SELENOI: variants seen among roughly 807,000 people sequenced by gnomAD.
The protein encoded by SELENOI is selenoprotein I.
Under a neutral mutation model 50.7 loss-of-function variants are expected in SELENOI, and 24 were observed. The observed-to-expected ratio is 0.47, with a 90% CI of 0.34 to 0.67. The LOEUF (loss-of-function observed/expected upper bound fraction) is 0.67, where lower values mean the gene tolerates loss of function less well. SELENOI is among the 30% of genes least tolerant of loss of function. The pLI, the probability that SELENOI is intolerant of heterozygous loss-of-function variation, is 0.01. For missense variants in SELENOI, 352 were observed against 461.4 expected (o/e 0.76, Z 2.17); for synonymous variants, 155 against 170.2 (o/e 0.91, Z 0.70).
intron 4 of SELENOI, 46 bp downstream of exon 4, chr2:26,367,266 A>G: frequency 7.0e-7 from 1 of 1,419,216 alleles, no homozygotes; most frequent in Middle Eastern, 1.8e-4. Context: ...CTGGTGAATC[A>G]GCAAGGATAG....
chr2:26,383,339 CT>C lies in SELENOI; in HGVS notation c.728del (p.Phe243SerfsTer9). 1 of 1,535,972 alleles carries C rather than the reference CT, an allele frequency of 6.5e-7. No homozygotes were observed. The highest frequency in any genetic ancestry group is 8.8e-7 in the Non-Finnish European group (1 of 1,132,018). ...CVTLPMSLLN[F>X]FRSYKNNTLK... ...TGACTCTTCCAATGAGTTTATTAAA[CT>C]TTTTCAGGTAAGTATTTTATTTTTT... On this transcript the variant is annotated frameshift_variant, in exon 7 of 10. Coordinates refer to ENST00000260585, the MANE Select transcript of SELENOI (RefSeq NM_033505.4). LOFTEE classifies it high-confidence loss of function.
At chr2:26,388,905 C>A in intron 9 of SELENOI, 100 bp from the exon 10 acceptor site, 1 of 867,480 alleles carries the variant, frequency 1.2e-6, no homozygotes, top group Non-Finnish European at 1.8e-6. Context: ...TGATTTTTGC[C>A]GTGTCAATAA....
chr2:26,365,209 C>G (rs181031202), intron 3 of SELENOI, among the ~76,000 whole-genome samples: 1 of 152,320 alleles, frequency 6.6e-6, no homozygotes, highest in African/African-American at 2.4e-5. Context: ...TACCTGTCAG[C>G]TCTAGGAATA....
rs1329287345 is a variant in SELENOI at position 26,389,219 on chromosome 2, G to A, written c.*116G>A. The A allele has an allele frequency of 1.3e-6, 1 of 773,956 alleles. No individual in the cohort carries two copies. The highest frequency in any genetic ancestry group is 2.7e-5 in the East Asian group (1 of 36,888). 47.9% of individuals were successfully genotyped at this position (773,956 alleles called of 1,614,324 possible). ...GACGTGGGATCTCAGTATGGTACTT[G>A]GACAGCAGGAATGATACATATAATC... On this transcript the variant is annotated 3_prime_UTR_variant, in exon 10 of 10. Coordinates refer to ENST00000260585, the MANE Select transcript of SELENOI (RefSeq NM_033505.4).
Position 26,394,245 on chromosome 2 carries a change from T to C in SELENOI, c.*5142T>C, listed in dbSNP as rs1312844843. 6.6e-6 allele frequency: 1 copy of C among 152,018 alleles called. No individual in the cohort carries two copies. Among genetic ancestry groups the C allele is most frequent in the Non-Finnish European group, 1.5e-5 (1 of 68,000 alleles). The allele number at this position is 152,018 out of a possible 1,614,324, so 9.4% of individuals were successfully genotyped here. A position where few individuals can be genotyped will look rare whatever the true frequency, so the allele number is the denominator to read the frequency against. On this transcript the variant is annotated 3_prime_UTR_variant, in exon 10 of 10. Transcript: ENST00000260585. This position sits in a 1 kb window ranked among gnomAD's most constrained non-coding sequence, Gnocchi z 4.1. ...GTCTGTAATAAAAATACAAAAAAATTAGCTGGGCATGGTGGCATGTGCCTG... is the reference window on the plus strand; with the variant it reads ...GTCTGTAATAAAAATACAAAAAAATCAGCTGGGCATGGTGGCATGTGCCTG...
At chr2:26,379,635 T>C (rs1677642407) in intron 6 of SELENOI, among the ~76,000 whole-genome samples, 1 of 152,146 alleles carries the variant, frequency 6.6e-6, no homozygotes, top group Admixed American at 6.5e-5. Flanking sequence ...CCTGCTACCT[T>C]AAACTATTAA....
At chr2:26,375,326 T>C (rs766609923) in intron 6 of SELENOI, among the ~76,000 whole-genome samples, 178 bp downstream of exon 6, 17 of 152,160 alleles carry the variant, frequency 1.1e-4, no homozygotes, top group Non-Finnish European at 2.5e-4. Context: ...TTCCCTGTTT[T>C]TGGGGTTTTT....
At chr2:26,367,339 C>T (rs537499038) in intron 4 of SELENOI, 119 bp downstream of exon 4, 20 of 714,110 alleles carry the variant, frequency 2.8e-5, no homozygotes, top group Admixed American at 3.8e-5. Flanking sequence ...TTATTAGTAT[C>T]CTGTTCAAAT....
intron 5 of SELENOI, among the ~76,000 whole-genome samples, chr2:26,374,646 G>T (rs538902243): frequency 1.4e-5 from 2 of 146,732 alleles, no homozygotes; most frequent in African/African-American, 5.0e-5. Flanking sequence ...TCGGCTCACC[G>T]CAACCTCTGC....
chr2:26,393,966 TC>T lies in SELENOI; in HGVS notation c.*4864del, dbSNP rs1162237667. 4 of 152,220 alleles carry T rather than the reference TC, an allele frequency of 2.6e-5. No individual in the cohort carries two copies. Among genetic ancestry groups the T allele is most frequent in the Non-Finnish European group, 5.9e-5 (4 of 68,036 alleles). 9.4% of individuals were successfully genotyped at this position (152,220 alleles called of 1,614,324 possible). ...AAAATATATACAATTTGCCATAAAT[TC>T]TAGATTCTGATATTCTTGACAAGCA... On this transcript the variant is annotated 3_prime_UTR_variant, in exon 10 of 10. Coordinates refer to ENST00000260585, the MANE Select transcript of SELENOI (RefSeq NM_033505.4).
At chr2:26,356,202 A>G (rs1014204185) in intron 1 of SELENOI, among the ~76,000 whole-genome samples, 1 of 152,184 alleles carries the variant, frequency 6.6e-6, no homozygotes, top group Admixed American at 6.5e-5. Context: ...TCTGTTGCCC[A>G]GGCTGAAGTA....
chr2:26,373,160 A>AT (rs1677495025), intron 4 of SELENOI, among the ~76,000 whole-genome samples: 1 of 152,360 alleles, frequency 6.6e-6, no homozygotes, highest in East Asian at 1.9e-4. Flanking sequence ...AAGTGTGGGG[A>AT]TTACAGGTGT....
intron 1 of SELENOI, among the ~76,000 whole-genome samples, chr2:26,358,811 G>T (rs888669649): frequency 6.6e-6 from 1 of 152,186 alleles, no homozygotes; most frequent in Non-Finnish European, 1.5e-5. Flanking sequence ...TGCAGTCCAC[G>T]TGAGAAAGGC....
intron 1 of SELENOI, among the ~76,000 whole-genome samples, chr2:26,350,016 G>C (rs1676922467): frequency 6.6e-6 from 1 of 151,668 alleles, no homozygotes; most frequent in African/African-American, 2.4e-5. Context: ...GGCTGAAGTG[G>C]GAGGATCAGT....
intron 1 of SELENOI, chr2:26,346,642 A>G (rs1279663737): frequency 1.1e-5 from 2 of 178,856 alleles, no homozygotes; most frequent in Non-Finnish European, 2.3e-5. Flanking sequence ...ATTTTAGTGA[A>G]GTTTCCACTC....
chr2:26,366,315 A>C (rs1044971561), intron 3 of SELENOI, among the ~76,000 whole-genome samples: 32 of 152,000 alleles, frequency 2.1e-4, no homozygotes, highest in Admixed American at 2.6e-4. Context: ...GTTTTTAAAA[A>C]TTTATTTATT....
chr2:26,363,401 T>G (rs554672528), intron 1 of SELENOI, among the ~76,000 whole-genome samples: 2 of 152,258 alleles, frequency 1.3e-5, no homozygotes, highest in Non-Finnish European at 2.9e-5. Flanking sequence ...TTGAGAGGGA[T>G]GAAGGAGGTT....
intron 6 of SELENOI, among the ~76,000 whole-genome samples, chr2:26,378,032 T>G (rs1439192645): frequency 6.6e-6 from 1 of 152,196 alleles, no homozygotes; most frequent in Non-Finnish European, 1.5e-5. Flanking sequence ...GTAGCTCTTG[T>G]CTCTGTTTGG....
rs1235952885 is a variant in SELENOI, at chr2:26,389,356, T to C, written c.*253T>C. ...CGTTAGACCAGCAAAATGTTCCTAA[T>C]GGTTCTAACTTCGTGAGTTTACAAT... On this transcript the variant is annotated 3_prime_UTR_variant, in exon 10 of 10. Transcript: ENST00000260585. 1 of 359,798 alleles carries C rather than the reference T, an allele frequency of 2.8e-6. No homozygotes were observed. The highest frequency in any genetic ancestry group is 2.0e-5 in the African/African-American group (1 of 49,092). The allele number at this position is 359,798 out of a possible 1,614,324, so 22.3% of individuals were successfully genotyped here. A position where few individuals can be genotyped will look rare whatever the true frequency, so the allele number is the denominator to read the frequency against.
Sources: allele counts gnomAD v4.1 joint callset (sites outside exome capture counted in the v4.1 genomes callset), GRCh38; gene constraint gnomAD v4.1.1; non-coding constraint Gnocchi (gnomAD v3.1); transcripts MANE v1.5; gene names NCBI Gene and HGNC (gene_info 2026-07-23, HGNC 2026-07-21).